The following RABGAP1L variants were observed in gnomAD, a reference collection of about 807,000 sequenced individuals.
The protein encoded by RABGAP1L is RAB GTPase activating protein 1 like, also known as rab GTPase-activating protein 1-like.
Under a neutral mutation model 137.7 loss-of-function variants are expected in RABGAP1L, and 63 were observed. The ratio of observed to expected loss-of-function variants is 0.46; its 90% CI spans 0.37 to 0.56. The LOEUF is 0.56. Among genes scored for constraint, RABGAP1L ranks in the 20% least tolerant of loss-of-function variants. RABGAP1L has a pLI of 0.00. For missense variants in RABGAP1L, 1,095 were observed against 1,244.0 expected, an observed-to-expected ratio of 0.88 and a Z score of 1.80; for synonymous variants, 431 against 433.7, an observed-to-expected ratio of 0.99 and a Z score of 0.08.
intron 1 of RABGAP1L, among the ~76,000 whole-genome samples, chr1:174,205,870 TG>T (rs2148411862): frequency 6.6e-6 from 1 of 152,308 alleles, no homozygotes; most frequent in East Asian, 1.9e-4. Context: ...TAAACTAATT[TG>T]TGCAAAAATA....
chr1:174,216,390 A>T (rs927388146), intron 1 of RABGAP1L, among the ~76,000 whole-genome samples: 2 of 152,200 alleles, frequency 1.3e-5, no homozygotes, highest in African/African-American at 4.8e-5. Context: ...ATGCCTATGT[A>T]AAAGTATCTC....
chr1:174,921,439 C>T (rs6693750), intron 19 of RABGAP1L, among the ~76,000 whole-genome samples: 9,263 of 152,208 alleles, frequency 0.061, 397 homozygotes, highest in Non-Finnish European at 0.086. Flanking sequence ...ACCATTATCA[C>T]ATGCTGAGAC....
At chr1:174,242,217 C>T (rs1185651214) in intron 5 of RABGAP1L, among the ~76,000 whole-genome samples, 3 of 152,030 alleles carry the variant, frequency 2.0e-5, no homozygotes, top group African/African-American at 7.2e-5. Flanking sequence ...AACTTGTAGT[C>T]CTTTGAAAAT....
intron 19 of RABGAP1L, among the ~76,000 whole-genome samples, chr1:174,863,672 T>TAA (rs762683129): frequency 4.2e-5 from 5 of 119,960 alleles, no homozygotes; most frequent in Non-Finnish European, 7.1e-5. Flanking sequence ...GACTCCGTCT[T>TAA]AAAAAAAAAA....
chr1:174,294,853 T>C (rs974051929), intron 10 of RABGAP1L, among the ~76,000 whole-genome samples: 10 of 152,216 alleles, frequency 6.6e-5, no homozygotes, highest in African/African-American at 2.4e-4. Flanking sequence ...ATGCTCTTGA[T>C]TGAGATAGAG....
At chr1:174,316,939 G>A (rs117233063) in intron 11 of RABGAP1L, among the ~76,000 whole-genome samples, 1 of 152,064 alleles carries the variant, frequency 6.6e-6, no homozygotes, top group Non-Finnish European at 1.5e-5. Flanking sequence ...CCCAGGCTAC[G>A]AGGAGTACTG....
intron 18 of RABGAP1L, among the ~76,000 whole-genome samples, chr1:174,766,661 A>T (rs2148716839): frequency 6.6e-6 from 1 of 152,330 alleles, no homozygotes; most frequent in East Asian, 1.9e-4. Context: ...ATTGCTTTGA[A>T]TCTCTGTATC....
chr1:174,278,308 AG>A (rs1675179524), intron 9 of RABGAP1L, among the ~76,000 whole-genome samples: 2 of 152,128 alleles, frequency 1.3e-5, no homozygotes, highest in African/African-American at 4.8e-5. Flanking sequence ...TGGGAGGCTG[AG>A]GCAGGAGAAT....
At chr1:174,701,167 T>C (rs1236881789) in intron 16 of RABGAP1L, 2 of 1,300,428 alleles carry the variant, frequency 1.5e-6, no homozygotes, top group Middle Eastern at 2.1e-4. Context: ...GCTAATACTT[T>C]GTACCTTGCT....
intron 18 of RABGAP1L, among the ~76,000 whole-genome samples, chr1:174,792,838 C>G (rs149879039): frequency 6.6e-6 from 1 of 152,196 alleles, no homozygotes; most frequent in Non-Finnish European, 1.5e-5. Flanking sequence ...AATAATGACA[C>G]AGAAGTAGAA....
rs548436890 is a variant in RABGAP1L, at chr1:174,336,884, T to TGA, written c.1465+31770_1465+31771dup. On this transcript the variant is annotated intron_variant, in intron 11 of 25. Coordinates refer to ENST00000681986, the MANE Select transcript of RABGAP1L (RefSeq NM_001366446.1). Reference sequence around the variant, plus strand: ...GTGTGTGTGTGTGTGTGTGTGTGTGTGAGAGAGAGAGAGAAAGAGAGAGAA... The same window carrying TGA: ...GTGTGTGTGTGTGTGTGTGTGTGTGTGAGAGAGAGAGAGAGAAAGAGAGAGAA... Among the ~76,000 whole-genome samples the TGA allele has an allele frequency of 6.3e-3, 611 of 96,718 alleles. 2 individuals are homozygous for TGA. The highest frequency in any genetic ancestry group is 0.015 in the Middle Eastern group (3 of 200). The allele number at this position is 96,718 out of a possible 152,430, so 63.5% of individuals were successfully genotyped here.
intron 17 of RABGAP1L, among the ~76,000 whole-genome samples, chr1:174,719,353 T>C (rs2148584839): frequency 6.6e-6 from 1 of 152,348 alleles, no homozygotes; most frequent in Non-Finnish European, 1.5e-5. Context: ...ACTGTCTTCC[T>C]ATCTTCAACC....
intron 1 of RABGAP1L, among the ~76,000 whole-genome samples, chr1:174,190,132 G>A (rs968232893): frequency 1.3e-5 from 2 of 151,916 alleles, no homozygotes; most frequent in Non-Finnish European, 2.9e-5. Flanking sequence ...GTGAAACCCC[G>A]TCTCTACTAA....
chr1:174,195,941 T>C (rs1667654982), intron 1 of RABGAP1L, among the ~76,000 whole-genome samples: 1 of 149,670 alleles, frequency 6.7e-6, no homozygotes, highest in African/African-American at 2.5e-5. Context: ...GTTCAAGTGA[T>C]TCTCCTGCCT....
chr1:174,388,029 A>G (rs1309637659), intron 12 of RABGAP1L, among the ~76,000 whole-genome samples: 1 of 152,090 alleles, frequency 6.6e-6, no homozygotes, highest in Non-Finnish European at 1.5e-5. Context: ...TCTTTTTGAA[A>G]CATTCGATTT....
chr1:174,290,664 A>AT (rs1676508842), intron 10 of RABGAP1L, among the ~76,000 whole-genome samples: 1 of 151,796 alleles, frequency 6.6e-6, no homozygotes, highest in African/African-American at 2.4e-5. Flanking sequence ...TTAAATTTTA[A>AT]TTTTTTATTG....
At chr1:174,988,276 G>A (rs1306474352) in intron 24 of RABGAP1L, among the ~76,000 whole-genome samples, 2 of 152,164 alleles carry the variant, frequency 1.3e-5, no homozygotes, top group Non-Finnish European at 2.9e-5. Context: ...GATGATGATA[G>A]TGCTTACTTA....
intron 11 of RABGAP1L, among the ~76,000 whole-genome samples, chr1:174,340,410 T>C (rs1421392868): frequency 6.6e-6 from 1 of 152,156 alleles, no homozygotes; most frequent in Non-Finnish European, 1.5e-5. Flanking sequence ...CATTAGCTAT[T>C]CTTCCTGATA....
At chr1:174,885,749 C>T (rs1342436759) in intron 19 of RABGAP1L, among the ~76,000 whole-genome samples, 1 of 151,990 alleles carries the variant, frequency 6.6e-6, no homozygotes, top group Non-Finnish European at 1.5e-5. Context: ...GAGTGGATCA[C>T]GAGGTCAGGA....
Sources: gnomAD v4.1 joint callset for allele counts (sites outside exome capture counted in the v4.1 genomes callset) on GRCh38, gnomAD v4.1.1 for gene constraint, MANE v1.5 for transcripts, NCBI Gene and HGNC (gene_info 2026-07-23, HGNC 2026-07-21) for gene names.